ERICH6B: variants seen among roughly 807,000 people sequenced by gnomAD.
ERICH6B encodes glutamate-rich protein 6B.
Under a neutral mutation model 80.0 loss-of-function variants are expected in ERICH6B, and 69 were observed. The ratio of observed to expected loss-of-function variants is 0.86; its 90% CI spans 0.71 to 1.05. The LOEUF (loss-of-function observed/expected upper bound fraction) is 1.05, where lower values mean the gene tolerates loss of function less well. Ranked by LOEUF, ERICH6B falls within the 50% of genes least tolerant of loss-of-function variation. The pLI is 0.00. For missense variants in ERICH6B, 754 were observed against 796.1 expected (o/e 0.95, Z 0.64); for synonymous variants, 283 against 291.9 (o/e 0.97, Z 0.31).
Position 45,561,512 on chromosome 13 carries a change from C to G in ERICH6B, c.1264G>C (p.Glu422Gln). ...AAATGAAATGTGAAACTGGTCATCTCTGTTAACTTTTGAGCTGCCATTCAA... is the reference window on the plus strand; with the variant it reads ...AAATGAAATGTGAAACTGGTCATCTGTGTTAACTTTTGAGCTGCCATTCAA... ...KRRREAQKLT[E>Q]MTSFTFHLMS... The change falls in exon 11 of 15, where the codon GAG (glutamate) becomes CAG (glutamine). Residue 422 changes from glutamate (E) to glutamine (Q), a missense_variant. Transcript: ENST00000298738. The G allele has an allele frequency of 6.4e-7, 1 of 1,551,570 alleles. No homozygotes were observed. Among genetic ancestry groups the G allele is most frequent in the Non-Finnish European group, 8.7e-7 (1 of 1,146,962 alleles).
chr13:45,582,987 A>G (rs1330551567), intron 5 of ERICH6B, among the ~76,000 whole-genome samples: 3 of 152,196 alleles, frequency 2.0e-5, no homozygotes, highest in Non-Finnish European at 4.4e-5. Flanking sequence ...CCAACTTCCC[A>G]CAATTCCTCA....
At position 45,549,883 on chromosome 13, in the gene ERICH6B, C is replaced by A. The variant is rs1874144530; in HGVS notation, c.1646+10G>T. 7 of 1,548,480 alleles carry A rather than the reference C, an allele frequency of 4.5e-6. No homozygotes were observed. In the East Asian group the frequency reaches 1.7e-4, roughly 38 times the overall value. ...GGCAGGAGTGTTAGGGACTCATGAC[C>A]CAAGCTTACCAGATATCACTATTTT... On this transcript the variant is annotated intron_variant, in intron 13 of 14. Coordinates refer to ENST00000298738, the MANE Select transcript of ERICH6B (RefSeq NM_182542.3).
chr13:45,561,607 T>C, intron 10 of ERICH6B, 81 bp from the exon 11 acceptor site: 6 of 1,475,272 alleles, frequency 4.1e-6, no homozygotes, highest in Non-Finnish European at 5.5e-6. Context: ...TCTCTCAAGG[T>C]GCCAAAGGGA....
intron 3 of ERICH6B, among the ~76,000 whole-genome samples, chr13:45,591,368 G>A (rs943866159): frequency 1.7e-4 from 26 of 152,274 alleles, no homozygotes; most frequent in Middle Eastern, 3.4e-3. Context: ...AGGCTGAGGC[G>A]GGCGGATCAC....
At chr13:45,599,988 C>T (rs552160450) in intron 2 of ERICH6B, among the ~76,000 whole-genome samples, 19 of 152,210 alleles carry the variant, frequency 1.2e-4, no homozygotes, top group Non-Finnish European at 2.5e-4. Context: ...TAGGCTGCCT[C>T]CAGTGCTTTT....
intron 10 of ERICH6B, 97 bp from the exon 11 acceptor site, chr13:45,561,623 AG>A: frequency 1.5e-6 from 2 of 1,365,978 alleles, no homozygotes; most frequent in South Asian, 2.9e-5. Context: ...AGGGAGTTTG[AG>A]GGTTTGGGAG....
intron 13 of ERICH6B, among the ~76,000 whole-genome samples, chr13:45,547,394 G>C (rs1257254074): frequency 6.6e-6 from 1 of 152,122 alleles, no homozygotes; most frequent in African/African-American, 2.4e-5. Context: ...AGGTGGTCTG[G>C]AGGAAAAGAA....
At chr13:45,568,094 C>T (rs1401920567) in intron 9 of ERICH6B, among the ~76,000 whole-genome samples, 1 of 152,194 alleles carries the variant, frequency 6.6e-6, no homozygotes, top group Non-Finnish European at 1.5e-5. Flanking sequence ...TATCCTTGCT[C>T]TTGAGTTTGA....
At chr13:45,609,835 G>A (rs1238777499) in intron 1 of ERICH6B, among the ~76,000 whole-genome samples, 1 of 152,214 alleles carries the variant, frequency 6.6e-6, no homozygotes, top group Non-Finnish European at 1.5e-5. Context: ...TTGCCATTGT[G>A]TTGAAACCAC....
chr13:45,572,618 A>G (rs923569636), intron 8 of ERICH6B, among the ~76,000 whole-genome samples: 1 of 152,238 alleles, frequency 6.6e-6, no homozygotes, highest in Non-Finnish European at 1.5e-5. Flanking sequence ...ATACTAATAC[A>G]TGAGACTACC....
chr13:45,601,001 C>T (rs1949823769), intron 2 of ERICH6B, among the ~76,000 whole-genome samples: 1 of 152,178 alleles, frequency 6.6e-6, no homozygotes, highest in Admixed American at 6.5e-5. Context: ...TCTCATCCTC[C>T]CCATGCCCCA....
At chr13:45,577,393 C>G (rs1308785575) in intron 7 of ERICH6B, among the ~76,000 whole-genome samples, 9 of 145,572 alleles carry the variant, frequency 6.2e-5, no homozygotes, top group African/African-American at 1.8e-4. Flanking sequence ...AACCCATTCT[C>G]CTGCCTCAGC....
chr13:45,577,693 T>C (rs916914207), intron 7 of ERICH6B, among the ~76,000 whole-genome samples: 1 of 152,154 alleles, frequency 6.6e-6, no homozygotes, highest in African/African-American at 2.4e-5. Context: ...GGCTCACTGT[T>C]ACAATCCTCC....
At chr13:45,600,358 AT>A (rs947362855) in intron 2 of ERICH6B, among the ~76,000 whole-genome samples, 48 of 149,928 alleles carry the variant, frequency 3.2e-4, no homozygotes, top group Admixed American at 8.6e-4. Flanking sequence ...GTTTCATTTT[AT>A]TTTTTTTTTA....
At chr13:45,568,505 TAGTTA>T in intron 8 of ERICH6B, 54 bp from the exon 9 acceptor site, 1 of 1,428,036 alleles carries the variant, frequency 7.0e-7, no homozygotes, top group Non-Finnish European at 9.3e-7. Context: ...AATGATTTGT[TAGTTA>T]ATCACTTTTC....
intron 10 of ERICH6B, among the ~76,000 whole-genome samples, chr13:45,562,222 G>T (rs1432774989): frequency 1.3e-5 from 2 of 152,076 alleles, no homozygotes; most frequent in African/African-American, 4.8e-5. Context: ...GGCTAATGTA[G>T]AGATGAGGTT....
At chr13:45,556,026 C>T (rs1874422023) in intron 11 of ERICH6B, among the ~76,000 whole-genome samples, 2 of 150,178 alleles carry the variant, frequency 1.3e-5, no homozygotes, top group South Asian at 4.4e-4. Context: ...TCATACATGC[C>T]TAGGCTCAAA....
chr13:45,614,031 A>G (rs1364216887), intron 1 of ERICH6B, among the ~76,000 whole-genome samples: 1 of 152,098 alleles, frequency 6.6e-6, no homozygotes, highest in Non-Finnish European at 1.5e-5. Flanking sequence ...ACAGGGCTTC[A>G]CCCTGTCTGC....
At chr13:45,550,175 G>A in intron 12 of ERICH6B, 56 bp downstream of exon 12, 1 of 1,538,474 alleles carries the variant, frequency 6.5e-7, no homozygotes, top group Non-Finnish European at 8.8e-7. Flanking sequence ...AAAAATCGTA[G>A]ACATTTTAGG....
Sources: allele counts gnomAD v4.1 joint callset (sites outside exome capture counted in the v4.1 genomes callset), GRCh38; gene constraint gnomAD v4.1.1; transcripts MANE v1.5; gene names NCBI Gene and HGNC (gene_info 2026-07-23, HGNC 2026-07-21).